The following RC3H1 variants were observed in gnomAD, a reference collection of about 807,000 sequenced individuals.
The protein encoded by RC3H1 is roquin-1.
A neutral mutation model predicts 138.2 loss-of-function variants in RC3H1; 50 were observed. The observed-to-expected ratio is 0.36, with a 90% CI of 0.29 to 0.46. The LOEUF is 0.46. RC3H1 is among the 20% of genes least tolerant of loss of function. The pLI, the probability that RC3H1 is intolerant of heterozygous loss-of-function variation, is 1.00. For missense variants in RC3H1, 1,031 were observed against 1,388.1 expected (o/e 0.74, Z 4.09); for synonymous variants, 462 against 489.1 (o/e 0.94, Z 0.73).
intron 1 of RC3H1, chr1:174,015,919 G>A (rs1057464245): frequency 4.0e-5 from 6 of 151,896 alleles, no homozygotes; most frequent in East Asian, 1.9e-4. Flanking sequence ...ATAAAAGTTC[G>A]GCCGGGTGCA....
chr1:173,943,399 A>T, intron 18 of RC3H1, 43 bp downstream of exon 18: 214 of 1,404,264 alleles, frequency 1.5e-4, no homozygotes, highest in Non-Finnish European at 2.0e-4. Flanking sequence ...CACATGAAAG[A>T]TTTCATTTCA....
In RC3H1 at chr1:174,022,291, G is replaced by T; in HGVS notation, c.-346C>A. ...TGCTGCTGAGGCTGCTCCTGCAGCA[G>T]GGGCCATCTTGTTGCTCGGCCTCCT... On this transcript the variant is annotated 5_prime_UTR_variant, in exon 1 of 20. It adds an upstream start codon to the 5' untranslated region. Coordinates refer to ENST00000367696, the MANE Select transcript of RC3H1 (RefSeq NM_172071.4). The surrounding 1 kb of genome is among the most constrained non-coding windows in gnomAD (Gnocchi z 4.2). 1 of 384,994 alleles carries T rather than the reference G, an allele frequency of 2.6e-6. No individual in the cohort carries two copies. Among genetic ancestry groups the T allele is most frequent in the Non-Finnish European group, 4.6e-6 (1 of 217,572 alleles). The allele number at this position is 384,994 out of a possible 1,614,324, so 23.8% of individuals were successfully genotyped here.
At chr1:173,958,204 A>G (rs1659725574) in intron 13 of RC3H1, among the ~76,000 whole-genome samples, 1 of 152,196 alleles carries the variant, frequency 6.6e-6, no homozygotes, top group South Asian at 2.1e-4. Flanking sequence ...ACTATAAGCT[A>G]AAGCAGTATG....
In RC3H1 at chr1:173,990,085, AT is replaced by A. The variant is rs369955533; in HGVS notation, c.231+2669del. 3.9e-3 allele frequency among the ~76,000 whole-genome samples: 555 copies of A among 141,520 alleles called. 1 individual carries two copies. Among genetic ancestry groups the A allele is most frequent in the Non-Finnish European group, 4.1e-3 (263 of 64,528 alleles). 92.8% of individuals were successfully genotyped at this position (141,520 alleles called of 152,430 possible). ...TGTAGTCTTCAAAATATAGTTTTAC[AT>A]TTTTTTTTTTTTTGACAGAGTCGCT... is the stretch of plus-strand genomic sequence containing the variant. On this transcript the variant is annotated intron_variant, in intron 2 of 19. Transcript: ENST00000367696.
At chr1:173,963,912 C>G (rs1465269803) in intron 11 of RC3H1, 61 bp downstream of exon 11, 1 of 1,374,400 alleles carries the variant, frequency 7.3e-7, no homozygotes, top group Non-Finnish European at 1.0e-6. Flanking sequence ...ATCACTCTGA[C>G]CTGAAGAACA....
chr1:174,006,243 GT>G (rs1316216501), intron 1 of RC3H1, among the ~76,000 whole-genome samples: 1 of 152,028 alleles, frequency 6.6e-6, no homozygotes, highest in Non-Finnish European at 1.5e-5. Context: ...AATAAAGACT[GT>G]TCTTTACCAT....
At chr1:174,013,413 T>A (rs1389215695) in intron 1 of RC3H1, among the ~76,000 whole-genome samples, 3 of 151,820 alleles carry the variant, frequency 2.0e-5, no homozygotes, top group East Asian at 1.9e-4. Context: ...AAAATTTAAA[T>A]GTATCCATAC....
At chr1:173,984,768 A>G in intron 2 of RC3H1, 149 bp from the exon 3 acceptor site, 1 of 786,184 alleles carries the variant, frequency 1.3e-6, no homozygotes, top group Non-Finnish European at 1.9e-6. Flanking sequence ...TCCTATTAAC[A>G]TGTATCTTTG....
chr1:174,015,896 T>C (rs1458499777), intron 1 of RC3H1: 3 of 152,248 alleles, frequency 2.0e-5, no homozygotes, highest in South Asian at 2.1e-4. Context: ...TTGTTGACAC[T>C]ATCTACTTCA....
In RC3H1 at chr1:173,965,093, A is replaced by T. The variant is rs1158553617; in HGVS notation, c.1362T>A (p.Val454=). ...AAGAGGCACTCAAGGGTCTTCTCGG[A>T]ACCAGGCGCTTATTCATTTTACGAA... The part of the protein sequence containing the change: ...EKFRKMNKRL[V]PRRPLSASLG... The change falls in exon 10 of 20, where the codon GTT becomes GTA. Residue 454 remains valine, a synonymous_variant. Coordinates refer to ENST00000367696, the MANE Select transcript of RC3H1 (RefSeq NM_172071.4). 1 of 1,612,774 alleles carries T rather than the reference A, an allele frequency of 6.2e-7. No individual in the cohort carries two copies. Among genetic ancestry groups the T allele is most frequent in the Non-Finnish European group, 8.5e-7 (1 of 1,179,554 alleles).
At chr1:174,014,102 G>A (rs1661816162) in intron 1 of RC3H1, among the ~76,000 whole-genome samples, 1 of 152,096 alleles carries the variant, frequency 6.6e-6, no homozygotes, top group Non-Finnish European at 1.5e-5. Flanking sequence ...ACATTTTTAG[G>A]TCAATGAAAC....
At chr1:174,014,744 T>G (rs1406912969) in intron 1 of RC3H1, among the ~76,000 whole-genome samples, 1 of 152,198 alleles carries the variant, frequency 6.6e-6, no homozygotes. Context: ...AGTATTACCA[T>G]TTCTGTTTTT....
intron 1 of RC3H1, among the ~76,000 whole-genome samples, chr1:174,007,115 C>T (rs1196731736): frequency 2.0e-5 from 3 of 152,130 alleles, no homozygotes; most frequent in African/African-American, 4.8e-5. Flanking sequence ...ACAGGCCAGG[C>T]GCAGTGGCTC....
intron 1 of RC3H1, 111 bp downstream of exon 1, chr1:174,021,985 C>T: frequency 2.6e-6 from 1 of 380,166 alleles, no homozygotes; most frequent in Non-Finnish European, 4.7e-6. Context: ...CGCGGAGGAG[C>T]AGAGGGCGGG....
chr1:173,965,067 A>C lies in RC3H1; in HGVS notation c.1388T>G (p.Leu463Trp). 6.2e-7 allele frequency: 1 copy of C among 1,614,210 alleles called. No individual in the cohort carries two copies. Among genetic ancestry groups the C allele is most frequent in the Non-Finnish European group, 8.5e-7 (1 of 1,180,026 alleles). Reference sequence around the variant, plus strand: ...CAGGCCCACCTCATTAAGTTGACCCAAAGAGGCACTCAAGGGTCTTCTCGG... The same window carrying C: ...CAGGCCCACCTCATTAAGTTGACCCCAAGAGGCACTCAAGGGTCTTCTCGG... ...LVPRRPLSAS[L>W]GQLNEVGLPS... The change falls in exon 10 of 20, where the codon TTG (leucine) becomes TGG (tryptophan). Residue 463 changes from leucine to tryptophan, a missense_variant. Leu to Trp is a moderately conservative substitution (Grantham distance 61, BLOSUM62 -2). This residue lies in a region of RC3H1 where 716 missense variants were observed against 837.9 expected (regional missense o/e 0.85). Transcript: ENST00000367696.
chr1:173,935,551 T>A lies in RC3H1; in HGVS notation c.*3170A>T, dbSNP rs1658546865. ...GAAAACATAAAAACTGTATTTCCTA[T>A]CTGGTTTCATCTTTGTCTCTAAAAA... On this transcript the variant is annotated 3_prime_UTR_variant, in exon 20 of 20. Coordinates refer to ENST00000367696, the MANE Select transcript of RC3H1 (RefSeq NM_172071.4). The A allele has an allele frequency of 1.3e-5, 2 of 152,050 alleles. No individual in the cohort carries two copies. Among genetic ancestry groups the A allele is most frequent in the Non-Finnish European group, 2.9e-5 (2 of 67,984 alleles). 9.4% of individuals were successfully genotyped at this position (152,050 alleles called of 1,614,324 possible). A position where few individuals can be genotyped will look rare whatever the true frequency, so the allele number is the denominator to read the frequency against.
chr1:173,950,192 G>A (rs1207061860), intron 14 of RC3H1, among the ~76,000 whole-genome samples: 3 of 151,810 alleles, frequency 2.0e-5, no homozygotes, highest in African/African-American at 7.3e-5. Flanking sequence ...CATCTTAAAA[G>A]CAATGCTAAG....
intron 1 of RC3H1, among the ~76,000 whole-genome samples, chr1:174,017,885 C>T (rs1440842921): frequency 7.8e-6 from 1 of 127,910 alleles, no homozygotes; most frequent in Non-Finnish European, 1.5e-5. Context: ...TAAATTATTA[C>T]CACATGTGCA....
chr1:173,991,619 T>C (rs1192922434), intron 2 of RC3H1, among the ~76,000 whole-genome samples: 1 of 152,236 alleles, frequency 6.6e-6, no homozygotes, highest in Non-Finnish European at 1.5e-5. Context: ...CCATGTCCTT[T>C]GGGTTGAAGA....
Sources: allele counts gnomAD v4.1 joint callset (sites outside exome capture counted in the v4.1 genomes callset), GRCh38; gene constraint gnomAD v4.1.1; regional missense constraint gnomAD v4.1.1; non-coding constraint Gnocchi (gnomAD v3.1); transcripts MANE v1.5; gene names NCBI Gene and HGNC (gene_info 2026-07-23, HGNC 2026-07-21).